Variants in ADAMTS9 observed in about 807,000 individuals in gnomAD.
The protein encoded by ADAMTS9 is A disintegrin and metalloproteinase with thrombospondin motifs 9.
Under a neutral mutation model 257.1 loss-of-function variants are expected in ADAMTS9, and 107 were observed. That is an observed-to-expected ratio of 0.42 (90% CI 0.36 to 0.49). The LOEUF (loss-of-function observed/expected upper bound fraction) is 0.49. ADAMTS9 is among the 20% of genes least tolerant of loss of function. The pLI, the probability that ADAMTS9 is intolerant of heterozygous loss-of-function variation, is 0.03. For missense variants in ADAMTS9, 2,353 were observed against 2,469.1 expected (o/e 0.95, Z 1.00); for synonymous variants, 982 against 880.9 (o/e 1.11, Z -2.03).
Position 64,613,359 on chromosome 3 carries a change from C to T in ADAMTS9, c.3340G>A (p.Gly1114Ser). 2 of 1,613,652 alleles carry T rather than the reference C, an allele frequency of 1.2e-6. No homozygotes were observed. Among genetic ancestry groups the T allele is most frequent in the Non-Finnish European group, 1.7e-6 (2 of 1,179,744 alleles). The change falls in exon 22 of 40, where the codon GGT (glycine) becomes AGT (serine). Residue 1114 changes from glycine to serine, a missense_variant. Around this residue, in one of 3 missense-constraint regions of ADAMTS9, gnomAD observed 1,402 missense variants for 1,441.4 expected, o/e 0.97. Coordinates refer to ENST00000498707, the MANE Select transcript of ADAMTS9 (RefSeq NM_182920.2). ...QQPECASWQAGPWGQCSVTCG... is the reference protein window; with the variant it reads ...QQPECASWQASPWGQCSVTCG... ...GTTCAAAATACCTGTCCCCAGGGACCCGCCTGCCAGGATGCACATTCCGGC... is the reference window on the plus strand; with the variant it reads ...GTTCAAAATACCTGTCCCCAGGGACTCGCCTGCCAGGATGCACATTCCGGC...
rs1016388495 is a variant in ADAMTS9 at position 64,541,851 on chromosome 3, A to G, written c.5184T>C (p.Arg1728=). The change falls in exon 33 of 40, where the codon CGT becomes CGC. Residue 1728 remains arginine (R), a synonymous_variant. Coordinates refer to ENST00000498707, the MANE Select transcript of ADAMTS9 (RefSeq NM_182920.2). ...TGGCCAACTTACAGTTATAGACATT[A>G]CGGCAGGTTTTTCGTTCTTCTGGCT... ...DLKPEERKTC[R]NVYNCELPQN... 27 of 1,614,072 alleles carry G rather than the reference A, an allele frequency of 1.7e-5. No homozygotes were observed. Among genetic ancestry groups the G allele is most frequent in the South Asian group, 2.2e-5 (2 of 91,088 alleles).
chr3:64,686,877 G>C lies in ADAMTS9; in HGVS notation c.207C>G (p.Phe69Leu). The change falls in exon 2 of 40, where the codon TTC (phenylalanine) becomes TTG (leucine). Residue 69 changes from phenylalanine to leucine, a missense_variant. By Grantham distance (22) the Phe-to-Leu change is conservative (BLOSUM62 0). Coordinates refer to ENST00000498707, the MANE Select transcript of ADAMTS9 (RefSeq NM_182920.2). The surrounding 1 kb of genome is among the most constrained non-coding windows in gnomAD (Gnocchi z 4.6). ...AGTTAATGCTCCGTCGCGTTCTTTT[G>C]AAGTGGACGTTCGTGGGAAAGGGTT... is the stretch of plus-strand genomic sequence containing the variant. ...LGEPFPTNVHFKRTRRSINSA... is the reference protein window; with the variant it reads ...LGEPFPTNVHLKRTRRSINSA... 1 of 1,614,210 alleles carries C rather than the reference G, an allele frequency of 6.2e-7. No homozygotes were observed.
At chr3:64,615,089 C>T in intron 21 of ADAMTS9, 3 of 446,378 alleles carry the variant, frequency 6.7e-6, no homozygotes, top group Non-Finnish European at 1.2e-5. Flanking sequence ...GAAGCTACAA[C>T]AGTGAGTGAT....
rs760531652 is a variant in ADAMTS9 at position 64,602,065 on chromosome 3, G to A, written c.3896C>T (p.Thr1299Ile). Residue 1299 changes from threonine to isoleucine, a missense_variant, in exon 26 of 40, where the codon ACC (threonine) becomes ATC (isoleucine). Around this residue, in one of 3 missense-constraint regions of ADAMTS9, gnomAD observed 1,402 missense variants for 1,441.4 expected, o/e 0.97. Coordinates refer to ENST00000498707, the MANE Select transcript of ADAMTS9 (RefSeq NM_182920.2). ...GTGCTGAGCTAAGCCACTGTCTGGGGTCCTTTGAGGGCATGGTGACATGGA... is the reference window on the plus strand; with the variant it reads ...GTGCTGAGCTAAGCCACTGTCTGGGATCCTTTGAGGGCATGGTGACATGGA... The part of the protein sequence containing the change: ...DCSMSPCPQR[T>I]PDSGLAQHPF... The A allele has an allele frequency of 1.2e-6, 2 of 1,614,072 alleles. No homozygotes were observed. The highest frequency in any genetic ancestry group is 1.1e-5 in the South Asian group (1 of 91,060).
chr3:64,660,520 G>A (rs1471860398), intron 3 of ADAMTS9, among the ~76,000 whole-genome samples: 1 of 152,048 alleles, frequency 6.6e-6, no homozygotes, highest in East Asian at 1.9e-4. Context: ...CCTTTAAATT[G>A]CATACCATTC....
At chr3:64,591,363 C>A (rs561198911) in intron 28 of ADAMTS9, among the ~76,000 whole-genome samples, 1 of 152,008 alleles carries the variant, frequency 6.6e-6, no homozygotes, top group African/African-American at 2.4e-5. Flanking sequence ...TCACTTGAAC[C>A]CGGGAGGAGG....
intron 38 of ADAMTS9, among the ~76,000 whole-genome samples, chr3:64,532,622 C>T (rs977809524): frequency 6.6e-6 from 1 of 152,094 alleles, no homozygotes; most frequent in Non-Finnish European, 1.5e-5. Context: ...TCCAACGGGC[C>T]CCCAGGTGAC....
chr3:64,556,714 T>TTTCTTCCTTCCTTCC (rs2083339168), intron 30 of ADAMTS9, among the ~76,000 whole-genome samples: 1 of 138,106 alleles, frequency 7.2e-6, no homozygotes. Context: ...TCTATGTTTT[T>TTTCTTCCTTCCTTCC]TTCCTTCCTT....
intron 9 of ADAMTS9, chr3:64,650,467 G>A (rs1226336832): frequency 6.5e-6 from 1 of 154,168 alleles, no homozygotes; most frequent in African/African-American, 2.4e-5. Context: ...CTAGCAGGAA[G>A]CTTAAAAAAC....
intron 14 of ADAMTS9, 119 bp downstream of exon 14, chr3:64,633,353 A>G: frequency 6.9e-7 from 1 of 1,448,650 alleles, no homozygotes; most frequent in Non-Finnish European, 9.3e-7. Flanking sequence ...CCACACTTTG[A>G]GAACCACTGC....
chr3:64,542,548 C>T (rs374786585), intron 32 of ADAMTS9, among the ~76,000 whole-genome samples: 6 of 151,870 alleles, frequency 4.0e-5, no homozygotes, highest in South Asian at 2.1e-4. Context: ...CTGCCTCAGA[C>T]TCCCGAGTAT....
intron 23 of ADAMTS9, among the ~76,000 whole-genome samples, chr3:64,605,142 G>T (rs540867963): frequency 1.1e-4 from 17 of 152,244 alleles, no homozygotes; most frequent in African/African-American, 4.1e-4. Flanking sequence ...TCCAGACTTT[G>T]CCTATTCCTC....
intron 28 of ADAMTS9, among the ~76,000 whole-genome samples, chr3:64,586,489 T>C (rs950954677): frequency 1.1e-4 from 17 of 152,198 alleles, no homozygotes; most frequent in South Asian, 4.1e-4. Flanking sequence ...AGAGTGAGCA[T>C]AGTAGATTAA....
intron 12 of ADAMTS9, among the ~76,000 whole-genome samples, chr3:64,638,368 T>C (rs761836471): frequency 2.5e-4 from 38 of 152,196 alleles, no homozygotes; most frequent in Non-Finnish European, 4.0e-4. Flanking sequence ...AAGCTCAGTC[T>C]GGTTTTGGTA....
intron 3 of ADAMTS9, among the ~76,000 whole-genome samples, chr3:64,665,160 T>C (rs74760247): frequency 2.8e-4 from 43 of 152,344 alleles, no homozygotes; most frequent in African/African-American, 9.9e-4. Flanking sequence ...GGCAACTGTA[T>C]GTTTCCTATC....
intron 12 of ADAMTS9, among the ~76,000 whole-genome samples, chr3:64,635,555 A>G (rs1262508078): frequency 6.6e-6 from 1 of 152,188 alleles, no homozygotes; most frequent in East Asian, 1.9e-4. Context: ...TATTCATTCA[A>G]ACTGGGAAAT....
At chr3:64,552,527 A>T (rs1206386213) in intron 30 of ADAMTS9, among the ~76,000 whole-genome samples, 2 of 149,888 alleles carry the variant, frequency 1.3e-5, no homozygotes, top group African/African-American at 4.9e-5. Context: ...TTATCTAACA[A>T]CTGTGATTTT....
At chr3:64,517,805 T>C (rs2082799745) in intron 39 of ADAMTS9, among the ~76,000 whole-genome samples, 2 of 152,124 alleles carry the variant, frequency 1.3e-5, no homozygotes, top group East Asian at 1.9e-4. Context: ...AAAGTACGTA[T>C]ATAATGGTGA....
intron 38 of ADAMTS9, among the ~76,000 whole-genome samples, chr3:64,527,230 C>T (rs1265958265): frequency 3.3e-5 from 5 of 152,074 alleles, no homozygotes; most frequent in African/African-American, 9.7e-5. Flanking sequence ...AATCTCTTTT[C>T]GATGATTATT....
Sources: allele counts gnomAD v4.1 joint callset (sites outside exome capture counted in the v4.1 genomes callset), GRCh38; gene constraint gnomAD v4.1.1; regional missense constraint gnomAD v4.1.1; non-coding constraint Gnocchi (gnomAD v3.1); transcripts MANE v1.5; gene names NCBI Gene and HGNC (gene_info 2026-07-23, HGNC 2026-07-21).